IGFBP7: variants seen among roughly 807,000 people sequenced by gnomAD.
IGFBP7 encodes the protein insulin like growth factor binding protein 7.
In IGFBP7, 31 loss-of-function variants were observed where a neutral mutation model predicts 29.4. That is an observed-to-expected ratio of 1.05 (90% CI 0.79 to 1.42). The LOEUF is 1.42. Ranked by LOEUF, IGFBP7 falls within the 40% of genes most tolerant of loss-of-function variation. The pLI is 0.00. For synonymous variants in IGFBP7, 172 were observed against 174.9 expected (o/e 0.98, Z 0.13); for missense variants, 393 against 395.5 (o/e 0.99, Z 0.05).
chr4:57,069,380 A>G (rs548473480), intron 1 of IGFBP7, among the ~76,000 whole-genome samples: 29 of 152,106 alleles, frequency 1.9e-4, no homozygotes, highest in African/African-American at 7.0e-4. Flanking sequence ...TTGGGGCCAG[A>G]TGTTCGAGAC....
Position 57,071,994 on chromosome 4 carries a change from A to T in IGFBP7, c.476-31061T>A, listed in dbSNP as rs117249596. On this transcript the variant is annotated intron_variant, in intron 1 of 4. Coordinates refer to ENST00000295666, the MANE Select transcript of IGFBP7 (RefSeq NM_001553.3). The stretch of plus-strand genomic sequence containing the variant: ...TCTTTTTTTAAATTTAAATTTTAAT[A>T]AAAAAAACCTTTTATTTTAGGTTTG... Among the ~76,000 whole-genome samples the T allele has an allele frequency of 7.8e-3, 1,187 of 151,532 alleles. 29 individuals carry two copies. The East Asian group carries it at 0.082, about 11-fold the overall frequency.
At chr4:57,043,613 T>G (rs551646143) in intron 1 of IGFBP7, among the ~76,000 whole-genome samples, 1 of 152,332 alleles carries the variant, frequency 6.6e-6, no homozygotes, top group Admixed American at 6.5e-5. Flanking sequence ...ATATTTTTAT[T>G]TTTGTAGGAA....
chr4:57,085,218 T>A (rs1008641734), intron 1 of IGFBP7, among the ~76,000 whole-genome samples: 9 of 152,142 alleles, frequency 5.9e-5, no homozygotes, highest in African/African-American at 2.2e-4. Flanking sequence ...TACATTTTTC[T>A]TGTATTTCAG....
chr4:57,073,729 C>A (rs551442704), intron 1 of IGFBP7, among the ~76,000 whole-genome samples: 10 of 152,214 alleles, frequency 6.6e-5, no homozygotes, highest in African/African-American at 2.4e-4. Flanking sequence ...TCCACAACTA[C>A]AGTTACAGGC....
At chr4:57,052,689 C>T (rs1724534355) in intron 1 of IGFBP7, among the ~76,000 whole-genome samples, 1 of 152,132 alleles carries the variant, frequency 6.6e-6, no homozygotes, top group South Asian at 2.1e-4. Flanking sequence ...TAAGAGCAGA[C>T]CATTCAATAC....
At chr4:57,072,801 C>T (rs903983973) in intron 1 of IGFBP7, 15 of 552,794 alleles carry the variant, frequency 2.7e-5, no homozygotes, top group Non-Finnish European at 4.3e-5. Context: ...CATTGAGCAG[C>T]TGGCACAGCA....
chr4:57,100,895 T>C (rs1325168833), intron 1 of IGFBP7, among the ~76,000 whole-genome samples: 1 of 152,256 alleles, frequency 6.6e-6, no homozygotes, highest in African/African-American at 2.4e-5. Context: ...ATGTCTGACC[T>C]GCAGTGTCTT....
chr4:57,042,288 A>T (rs1050749247), intron 1 of IGFBP7, among the ~76,000 whole-genome samples: 1 of 152,172 alleles, frequency 6.6e-6, no homozygotes, highest in African/African-American at 2.4e-5. Flanking sequence ...CTGGCCTGCC[A>T]TCTGTTTTTG....
At chr4:57,078,500 A>C (rs1156877190) in intron 1 of IGFBP7, among the ~76,000 whole-genome samples, 1 of 152,150 alleles carries the variant, frequency 6.6e-6, no homozygotes, top group Non-Finnish European at 1.5e-5. Flanking sequence ...AAAAAAAGAA[A>C]AATGGTAAAA....
intron 1 of IGFBP7, among the ~76,000 whole-genome samples, chr4:57,080,316 C>G (rs1485917237): frequency 6.6e-6 from 1 of 152,178 alleles, no homozygotes; most frequent in African/African-American, 2.4e-5. Context: ...CTCTACCTGT[C>G]TAAGATTCAA....
At chr4:57,044,859 C>A (rs1329246468) in intron 1 of IGFBP7, among the ~76,000 whole-genome samples, 1 of 152,278 alleles carries the variant, frequency 6.6e-6, no homozygotes, top group Admixed American at 6.5e-5. Flanking sequence ...CACTCTAGGA[C>A]AAGTAAGAAT....
intron 1 of IGFBP7, among the ~76,000 whole-genome samples, chr4:57,051,229 C>T (rs773383730): frequency 3.9e-5 from 6 of 152,192 alleles, no homozygotes; most frequent in Non-Finnish European, 8.8e-5. Context: ...GAAGCAGTAA[C>T]TGTATGGCTA....
intron 1 of IGFBP7, among the ~76,000 whole-genome samples, chr4:57,052,003 G>A (rs1724516041): frequency 6.6e-6 from 1 of 152,166 alleles, no homozygotes; most frequent in Admixed American, 6.5e-5. Context: ...CGTGTGTGGT[G>A]TAGGGCACAG....
At chr4:57,069,565 G>C (rs1404773049) in intron 1 of IGFBP7, among the ~76,000 whole-genome samples, 1 of 152,146 alleles carries the variant, frequency 6.6e-6, no homozygotes, top group East Asian at 1.9e-4. Context: ...TCGGGAGGTG[G>C]AGGTAGAAGC....
chr4:57,050,567 A>C (rs540922417), intron 1 of IGFBP7, among the ~76,000 whole-genome samples: 23 of 152,090 alleles, frequency 1.5e-4, no homozygotes, highest in Admixed American at 2.0e-4. Flanking sequence ...TTATAGACAG[A>C]GTCTTGCTCT....
At chr4:57,070,705 G>C (rs1300373386) in intron 1 of IGFBP7, among the ~76,000 whole-genome samples, 2 of 152,152 alleles carry the variant, frequency 1.3e-5, no homozygotes, top group Non-Finnish European at 2.9e-5. Context: ...ACAACCAAAA[G>C]GTTCAATAAG....
intron 1 of IGFBP7, among the ~76,000 whole-genome samples, chr4:57,082,869 C>A (rs1725405184): frequency 6.6e-6 from 1 of 152,124 alleles, no homozygotes; most frequent in South Asian, 2.1e-4. Flanking sequence ...TTATCTTGAA[C>A]TCCTGGCCTC....
In IGFBP7 at chr4:57,081,269, C is replaced by A. The variant is rs769434760; in HGVS notation, c.475+28608G>T. Among the ~76,000 whole-genome samples, 12 of 151,994 alleles carry A rather than the reference C, an allele frequency of 7.9e-5. No individual in the cohort carries two copies. In the South Asian group the frequency reaches 8.3e-4, roughly 11 times the overall value. On this transcript the variant is annotated intron_variant, in intron 1 of 4. Transcript: ENST00000295666. ...ATTTTTTTTTCACAGAGCTTTCTGG[C>A]CCATACTCAGCTATGGGTTCTAAGT...
rs573555267 is a variant in IGFBP7, at chr4:57,105,047, G to A, written c.475+4830C>T. Among the ~76,000 whole-genome samples, 46 of 152,316 alleles carry A rather than the reference G, an allele frequency of 3.0e-4. 1 individual carries two copies. The South Asian group carries it at 9.3e-3, about 31-fold the overall frequency. The stretch of plus-strand genomic sequence containing the variant: ...AAATCCCTCTTTTAAAATGGTTACA[G>A]TCTAGTGGGGAAGACAGACATTCAA... On this transcript the variant is annotated intron_variant, in intron 1 of 4. Transcript: ENST00000295666.
Sources: gnomAD v4.1 joint callset for allele counts (sites outside exome capture counted in the v4.1 genomes callset) on GRCh38, gnomAD v4.1.1 for gene constraint, MANE v1.5 for transcripts, NCBI Gene and HGNC (gene_info 2026-07-23, HGNC 2026-07-21) for gene names.